KIAA1217: variants seen among roughly 807,000 people sequenced by gnomAD.
KIAA1217 encodes sickle tail protein homolog.
In KIAA1217, 88 loss-of-function variants were observed where a neutral mutation model predicts 163.9. That is an observed-to-expected ratio of 0.54 (90% CI 0.45 to 0.64). The LOEUF (loss-of-function observed/expected upper bound fraction) is 0.64. Among genes scored for constraint, KIAA1217 ranks in the 30% least tolerant of loss-of-function variants. The pLI is 0.00. For synonymous variants in KIAA1217, 903 were observed against 923.1 expected, an observed-to-expected ratio of 0.98 and a Z score of 0.39; for missense variants, 2,372 against 2,475.0, an observed-to-expected ratio of 0.96 and a Z score of 0.88.
chr10:24,527,099 G>C (rs2072304573), intron 13 of KIAA1217, among the ~76,000 whole-genome samples: 1 of 151,984 alleles, frequency 6.6e-6, no homozygotes, highest in Admixed American at 6.5e-5. Context: ...TGCATTTTAT[G>C]TATAACTCTC....
chr10:24,346,024 A>G (rs1341018011), intron 2 of KIAA1217, among the ~76,000 whole-genome samples: 1 of 152,098 alleles, frequency 6.6e-6, no homozygotes, highest in Non-Finnish European at 1.5e-5. Context: ...TGTGAGCTTG[A>G]CTATTCTAGA....
At chr10:23,967,030 TAATA>T (rs67898599) in intron 1 of KIAA1217, among the ~76,000 whole-genome samples, 63,628 of 151,456 alleles carry the variant, frequency 0.42, 16,437 homozygotes, top group African/African-American at 0.74. Context: ...CAATCAGTAT[TAATA>T]AATAAATAAA....
chr10:23,806,194 C>G (rs996528466), intron 1 of KIAA1217, among the ~76,000 whole-genome samples: 1 of 151,856 alleles, frequency 6.6e-6, no homozygotes, highest in African/African-American at 2.4e-5. Context: ...CCTGTGTGCA[C>G]GTGAGAAGGG....
chr10:23,989,419 A>G (rs1846120217), intron 1 of KIAA1217, among the ~76,000 whole-genome samples: 1 of 152,212 alleles, frequency 6.6e-6, no homozygotes, highest in South Asian at 2.1e-4. Flanking sequence ...ATGGAGAAGT[A>G]TGAGGGACAA....
chr10:23,727,180 A>T (rs1276564260), intron 1 of KIAA1217, among the ~76,000 whole-genome samples: 2 of 150,980 alleles, frequency 1.3e-5, no homozygotes, highest in African/African-American at 2.4e-5. Context: ...TTTAGTAGAG[A>T]CAGGGTTTCA....
chr10:24,358,205 A>G (rs2049378281), intron 2 of KIAA1217, among the ~76,000 whole-genome samples: 1 of 152,154 alleles, frequency 6.6e-6, no homozygotes, highest in Admixed American at 6.6e-5. Context: ...AAGTGAGCAA[A>G]TAAGTAAAGT....
intron 2 of KIAA1217, among the ~76,000 whole-genome samples, chr10:24,037,652 G>A (rs2131550077): frequency 6.6e-6 from 1 of 152,292 alleles, no homozygotes; most frequent in East Asian, 1.9e-4. Flanking sequence ...GTCTATTCCA[G>A]ATTAAAGCAG....
At chr10:24,305,869 A>T (rs563460801) in intron 2 of KIAA1217, among the ~76,000 whole-genome samples, 1 of 152,268 alleles carries the variant, frequency 6.6e-6, no homozygotes, top group South Asian at 2.1e-4. Flanking sequence ...CTGGAAGAAC[A>T]TGTTTAGAAG....
intron 1 of KIAA1217, among the ~76,000 whole-genome samples, chr10:23,838,849 T>G (rs1435802378): frequency 6.6e-6 from 1 of 152,212 alleles, no homozygotes; most frequent in Non-Finnish European, 1.5e-5. Flanking sequence ...CTTAGGACTT[T>G]CTTAAATTCA....
intron 2 of KIAA1217, among the ~76,000 whole-genome samples, chr10:24,095,788 A>G (rs553281270): frequency 6.6e-6 from 1 of 152,302 alleles, no homozygotes; most frequent in East Asian, 1.9e-4. Flanking sequence ...TCTTAGAGGT[A>G]TCCAATGTGT....
At chr10:24,224,190 T>C (rs556104589) in intron 2 of KIAA1217, among the ~76,000 whole-genome samples, 246 of 152,310 alleles carry the variant, frequency 1.6e-3, no homozygotes, top group African/African-American at 5.6e-3. Context: ...CAGCATAACC[T>C]TAGTTGTGCA....
chr10:24,037,566 G>T (rs12241696), intron 2 of KIAA1217, among the ~76,000 whole-genome samples: 1 of 152,190 alleles, frequency 6.6e-6, no homozygotes, highest in Non-Finnish European at 1.5e-5. Flanking sequence ...TGATCAGCTG[G>T]TGAATGATCT....
At chr10:23,722,558 C>T (rs1453577893) in intron 1 of KIAA1217, among the ~76,000 whole-genome samples, 1 of 151,958 alleles carries the variant, frequency 6.6e-6, no homozygotes, top group African/African-American at 2.4e-5. Context: ...AAATATTTTC[C>T]ATATATATTT....
At position 24,307,731 on chromosome 10, in the gene KIAA1217, G is replaced by A. The variant is rs905622603; in HGVS notation, c.355-73138G>A. ...TAAGAGGTCGGGGCTACATTGAGCC[G>A]TGATTGTGCTACTGCACTTAGCCTT... On this transcript the variant is annotated intron_variant, in intron 2 of 20. Coordinates refer to ENST00000376454, the MANE Select transcript of KIAA1217 (RefSeq NM_019590.5). Among the ~76,000 whole-genome samples, 4 of 152,228 alleles carry A rather than the reference G, an allele frequency of 2.6e-5. 1 individual carries two copies. The highest frequency in any genetic ancestry group is 2.1e-4 in the South Asian group (1 of 4,826).
chr10:24,440,500 C>G (rs1296262839), intron 5 of KIAA1217, among the ~76,000 whole-genome samples: 1 of 152,158 alleles, frequency 6.6e-6, no homozygotes, highest in Non-Finnish European at 1.5e-5. Flanking sequence ...GGAAAGACAC[C>G]TGTTTTAACC....
At chr10:24,211,540 G>T (rs12258966) in intron 1 of KIAA1217, among the ~76,000 whole-genome samples, 654 of 28,422 alleles carry the variant, frequency 0.023, 50 homozygotes, top group Middle Eastern at 0.11. Context: ...TGGTTGTATT[G>T]TATTGTATTG....
intron 1 of KIAA1217, among the ~76,000 whole-genome samples, chr10:23,841,766 T>G (rs1838795318): frequency 6.6e-6 from 1 of 152,084 alleles, no homozygotes; most frequent in African/African-American, 2.4e-5. Flanking sequence ...TCTCTCAGAA[T>G]ACAAGGGTAG....
chr10:23,741,150 A>C (rs1839090186), intron 1 of KIAA1217, among the ~76,000 whole-genome samples: 1 of 152,186 alleles, frequency 6.6e-6, no homozygotes, highest in Admixed American at 6.5e-5. Flanking sequence ...TTTCTACTGA[A>C]TTAACTAATT....
chr10:24,145,010 C>T (rs186124957), intron 2 of KIAA1217, among the ~76,000 whole-genome samples: 10 of 152,294 alleles, frequency 6.6e-5, no homozygotes, highest in African/African-American at 2.2e-4. Flanking sequence ...TAATGATTAT[C>T]ATCTTATTTG....
Sources: allele counts gnomAD v4.1 joint callset (sites outside exome capture counted in the v4.1 genomes callset), GRCh38; gene constraint gnomAD v4.1.1; transcripts MANE v1.5; gene names NCBI Gene and HGNC (gene_info 2026-07-23, HGNC 2026-07-21).